Variants in WDPCP observed in about 807,000 individuals in gnomAD.
The protein encoded by WDPCP is WD repeat-containing and planar cell polarity effector protein fritz homolog.
A neutral mutation model predicts 93.1 loss-of-function variants in WDPCP; 71 were observed. The observed-to-expected ratio is 0.76, with a 90% CI of 0.63 to 0.93. WDPCP has a LOEUF of 0.93. WDPCP is among the 40% of genes least tolerant of loss of function. The probability of loss-of-function intolerance (pLI) is 0.00; values close to 1 mark genes in which losing one functional copy is unlikely to be tolerated. For missense variants in WDPCP, 844 were observed against 887.4 expected (o/e 0.95, Z 0.62); for synonymous variants, 315 against 315.0 (o/e 1.00, Z 0.00).
intron 2 of WDPCP, among the ~76,000 whole-genome samples, chr2:63,710,869 T>C (rs993096044): frequency 6.6e-6 from 1 of 152,190 alleles, no homozygotes; most frequent in African/African-American, 2.4e-5. Context: ...CACCTGTCTC[T>C]GTATTAGGGA....
At chr2:63,285,599 A>G (rs930232736) in intron 13 of WDPCP, among the ~76,000 whole-genome samples, 2 of 152,150 alleles carry the variant, frequency 1.3e-5, no homozygotes, top group African/African-American at 2.4e-5. Context: ...CAATCAAAAG[A>G]AAGCTGAAAT....
intron 1 of WDPCP, among the ~76,000 whole-genome samples, chr2:63,517,358 T>C (rs1399837644): frequency 6.6e-6 from 1 of 152,190 alleles, no homozygotes; most frequent in African/African-American, 2.4e-5. Flanking sequence ...TACTGGCTTA[T>C]ATACCCATGT....
chr2:63,512,732 G>A (rs1010740827), intron 1 of WDPCP, among the ~76,000 whole-genome samples: 3 of 151,976 alleles, frequency 2.0e-5, no homozygotes, highest in Non-Finnish European at 4.4e-5. Flanking sequence ...TCACACACTG[G>A]GGCCTGTTGG....
At chr2:63,277,582 C>A (rs945596308) in intron 13 of WDPCP, among the ~76,000 whole-genome samples, 2 of 152,114 alleles carry the variant, frequency 1.3e-5, no homozygotes, top group African/African-American at 4.8e-5. Context: ...AAATGGACAA[C>A]AAAAGTGAGC....
intron 2 of WDPCP, among the ~76,000 whole-genome samples, chr2:63,488,179 A>G (rs1376560583): frequency 2.0e-5 from 3 of 152,100 alleles, no homozygotes; most frequent in African/African-American, 7.2e-5. Context: ...CTTCATATCT[A>G]TGAATAATAA....
At chr2:63,254,619 A>G (rs527362530) in intron 14 of WDPCP, among the ~76,000 whole-genome samples, 1 of 152,286 alleles carries the variant, frequency 6.6e-6, no homozygotes, top group African/African-American at 2.4e-5. Flanking sequence ...CAATGATAAT[A>G]TTTTACAAAA....
intron 2 of WDPCP, among the ~76,000 whole-genome samples, chr2:63,761,805 A>G (rs1670059365): frequency 6.6e-6 from 1 of 152,116 alleles, no homozygotes; most frequent in African/African-American, 2.4e-5. Flanking sequence ...TCACAGACAC[A>G]CCCAGGATCA....
At chr2:63,479,043 A>G (rs1700122362) in intron 6 of WDPCP, among the ~76,000 whole-genome samples, 1 of 151,988 alleles carries the variant, frequency 6.6e-6, no homozygotes, top group South Asian at 2.1e-4. Context: ...AAAATCATTC[A>G]AGGCTACTAT....
chr2:63,524,179 C>T (rs1360356575), intron 1 of WDPCP, among the ~76,000 whole-genome samples: 1 of 152,162 alleles, frequency 6.6e-6, no homozygotes, highest in East Asian at 1.9e-4. Flanking sequence ...AATGGCCATA[C>T]TGCCCATAAG....
intron 6 of WDPCP, among the ~76,000 whole-genome samples, chr2:63,457,060 A>G (rs1183138980): frequency 1.3e-5 from 2 of 152,230 alleles, no homozygotes; most frequent in Non-Finnish European, 2.9e-5. Context: ...TTCTTCAAAA[A>G]GACAAACAAA....
intron 12 of WDPCP, 37 bp downstream of exon 12, chr2:63,378,349 T>A: frequency 6.2e-7 from 1 of 1,611,750 alleles, no homozygotes; most frequent in Non-Finnish European, 8.5e-7. Flanking sequence ...AAATAAGTAA[T>A]TAGTCTGACG....
chr2:63,152,983 T>C, intron 16 of WDPCP, 38 bp from the exon 17 acceptor site: 1 of 1,592,356 alleles, frequency 6.3e-7, no homozygotes. Context: ...ATCTTAAAAG[T>C]CTAATAATGG....
At chr2:63,497,894 C>A (rs904396402) in intron 1 of WDPCP, among the ~76,000 whole-genome samples, 4 of 152,030 alleles carry the variant, frequency 2.6e-5, no homozygotes, top group African/African-American at 7.2e-5. Context: ...GAAGGGGGTG[C>A]GGGCAGGGAT....
At chr2:63,550,700 T>C (rs139039895) in intron 1 of WDPCP, among the ~76,000 whole-genome samples, 1 of 151,566 alleles carries the variant, frequency 6.6e-6, no homozygotes, top group African/African-American at 2.4e-5. Context: ...TACACATACA[T>C]ATACATATAT....
At chr2:63,356,729 G>C (rs908393806) in intron 12 of WDPCP, among the ~76,000 whole-genome samples, 3 of 152,106 alleles carry the variant, frequency 2.0e-5, no homozygotes, top group Non-Finnish European at 4.4e-5. Context: ...AAAATAATAA[G>C]AACAAAGATA....
At chr2:63,131,738 G>C (rs934510114) in intron 17 of WDPCP, among the ~76,000 whole-genome samples, 1 of 151,164 alleles carries the variant, frequency 6.6e-6, no homozygotes, top group East Asian at 1.9e-4. Flanking sequence ...AGCATTTCTT[G>C]TAGGGAACAT....
chr2:63,647,160 T>C (rs1710061329), intron 3 of WDPCP, among the ~76,000 whole-genome samples: 1 of 152,114 alleles, frequency 6.6e-6, no homozygotes, highest in African/African-American at 2.4e-5. Flanking sequence ...GTTTTTGAGA[T>C]GGAGTCTCAC....
intron 10 of WDPCP, among the ~76,000 whole-genome samples, chr2:63,389,387 C>T (rs1693022220): frequency 6.6e-6 from 1 of 152,164 alleles, no homozygotes; most frequent in Non-Finnish European, 1.5e-5. Flanking sequence ...CTTACAAGAG[C>T]TCCTAAAGGA....
At chr2:63,137,631 T>C (rs1045702425) in intron 17 of WDPCP, among the ~76,000 whole-genome samples, 1 of 152,046 alleles carries the variant, frequency 6.6e-6, no homozygotes, top group Non-Finnish European at 1.5e-5. Flanking sequence ...TCTGTGCCCA[T>C]GCCTGTGTCC....
Sources: allele counts gnomAD v4.1 joint callset (sites outside exome capture counted in the v4.1 genomes callset), GRCh38; gene constraint gnomAD v4.1.1; transcripts MANE v1.5; gene names NCBI Gene and HGNC (gene_info 2026-07-23, HGNC 2026-07-21).